Variants in ABCD3 observed in about 807,000 individuals in gnomAD.
ABCD3 encodes ATP binding cassette subfamily D member 3.
ABCD3 carries 41 observed loss-of-function variants against 105.5 expected under a neutral mutation model. That is an observed-to-expected ratio of 0.39 (90% CI 0.30 to 0.50). The LOEUF (loss-of-function observed/expected upper bound fraction) is 0.50, where lower values mean the gene tolerates loss of function less well. ABCD3 is among the 20% of genes least tolerant of loss of function. ABCD3 has a pLI of 0.84. For missense variants in ABCD3, 622 were observed against 806.3 expected (o/e 0.77, Z 2.77); for synonymous variants, 258 against 269.0 (o/e 0.96, Z 0.40).
At chr1:94,455,278 C>A (rs1005087811) in intron 1 of ABCD3, among the ~76,000 whole-genome samples, 2 of 151,924 alleles carry the variant, frequency 1.3e-5, no homozygotes, top group Non-Finnish European at 2.9e-5. Flanking sequence ...ATAGAACTTC[C>A]TGAGAAACAA....
intron 7 of ABCD3, among the ~76,000 whole-genome samples, chr1:94,477,504 T>C (rs907201641): frequency 6.6e-6 from 1 of 151,910 alleles, no homozygotes; most frequent in Admixed American, 6.6e-5. Context: ...TGTGCGCCTG[T>C]ACTCCCAGCT....
In ABCD3 at chr1:94,487,788, A is replaced by G; in HGVS notation, c.1062A>G (p.Leu354=). 6.2e-7 allele frequency: 1 copy of G among 1,613,658 alleles called. No homozygotes were observed. Among genetic ancestry groups the G allele is most frequent in the Non-Finnish European group, 8.5e-7 (1 of 1,179,610 alleles). Residue 354 remains leucine, a synonymous_variant, in exon 12 of 23, where the codon CTA becomes CTG. Transcript: ENST00000370214. ...RHLKSTHSEL[L]EDYYQSGRML... The stretch of plus-strand genomic sequence containing the variant: ...TCAAGAGTACACATTCGGAACTTCT[A>G]GAGGTAAACTGATGATAATACAATG...
rs572800610 is a variant in ABCD3 at position 94,491,610 on chromosome 1, A to G, written c.1386+363A>G. Among the ~76,000 whole-genome samples, 3 of 152,264 alleles carry G rather than the reference A, an allele frequency of 2.0e-5. No individual in the cohort carries two copies. In the South Asian group the frequency reaches 6.2e-4, roughly 32 times the overall value. On this transcript the variant is annotated intron_variant, in intron 16 of 22. Coordinates refer to ENST00000370214, the MANE Select transcript of ABCD3 (RefSeq NM_002858.4). ...GTGGCTGGTATTGTTGTGACTGTAC[A>G]GGATGATTTGTACCTATAAAAACAA...
the ABCD3 span, among the ~76,000 whole-genome samples, chr1:94,386,021 C>CTATT: frequency 7.8e-6 from 1 of 128,348 alleles, no homozygotes; most frequent in African/African-American, 3.0e-5. Context: ...CTTTTAGAAT[C>CTATT]TGTTTCTTTC....
At chr1:94,412,331 T>C in the ABCD3 span, among the ~76,000 whole-genome samples, 6 of 152,308 alleles carry the variant, frequency 3.9e-5, no homozygotes, top group South Asian at 1.2e-3. Context: ...AGATATTTTA[T>C]TCATCTATAA....
At chr1:94,473,258 G>A (rs1478037692) in intron 4 of ABCD3, among the ~76,000 whole-genome samples, 3 of 152,104 alleles carry the variant, frequency 2.0e-5, no homozygotes, top group Non-Finnish European at 4.4e-5. Flanking sequence ...TGGCAGAATT[G>A]AGTAGTTGCA....
chr1:94,412,800 A>G, the ABCD3 span, among the ~76,000 whole-genome samples: 1 of 152,216 alleles, frequency 6.6e-6, no homozygotes, highest in South Asian at 2.1e-4. Flanking sequence ...GCAGATAAAA[A>G]TTGATTTTTA....
At position 94,489,959 on chromosome 1, in the gene ABCD3, G is replaced by T. The variant is rs1468158555; in HGVS notation, c.1306G>T (p.Ala436Ser). 6.2e-7 allele frequency: 1 copy of T among 1,612,956 alleles called. No individual in the cohort carries two copies. Among genetic ancestry groups the T allele is most frequent in the Admixed American group, 1.7e-5 (1 of 59,972 alleles). Residue 436 changes from alanine to serine, a missense_variant, in exon 15 of 23, where the codon GCA (alanine) becomes TCA (serine). Transcript: ENST00000370214. The part of the protein sequence containing the change: ...LIPGAGEIII[A>S]DNIIKFDHVP... The stretch of plus-strand genomic sequence containing the variant: ...ACCTGGTGCTGGAGAAATCATTATT[G>T]CAGATAACATTATAAAGTACGTACA...
In ABCD3 at chr1:94,448,340, A is replaced by ATT. The variant is rs1290056144; in HGVS notation, c.111-10266_111-10265dup. On this transcript the variant is annotated intron_variant, in intron 1 of 22. Transcript: ENST00000370214. ...AACCCATTTAGCTCACTTTGTGGGT[A>ATT]TTCTCGATAATCATTTTCCTAAAAC... 2.6e-4 allele frequency among the ~76,000 whole-genome samples: 39 copies of ATT among 152,240 alleles called. 1 individual carries two copies. Among genetic ancestry groups the ATT allele is most frequent in the Admixed American group, 2.2e-3 (33 of 15,286 alleles).
At chr1:94,475,938 C>G (rs1297405278) in intron 7 of ABCD3, among the ~76,000 whole-genome samples, 1 of 152,004 alleles carries the variant, frequency 6.6e-6, no homozygotes, top group Non-Finnish European at 1.5e-5. Flanking sequence ...TGGCAAAGAA[C>G]TGATAATTTA....
chr1:94,421,453 T>G (rs936258788), intron 1 of ABCD3, among the ~76,000 whole-genome samples: 1 of 152,190 alleles, frequency 6.6e-6, no homozygotes, highest in African/African-American at 2.4e-5. Context: ...TTACCTTTTA[T>G]TTTATTATTT....
chr1:94,414,101 G>C (rs1658959794), upstream of ABCD3, among the ~76,000 whole-genome samples: 1 of 152,158 alleles, frequency 6.6e-6, no homozygotes, highest in Admixed American at 6.5e-5. Flanking sequence ...ATCTGTAGGA[G>C]GGGAGAAGTG....
chr1:94,468,889 TA>T (rs1391354013), intron 4 of ABCD3, among the ~76,000 whole-genome samples: 1 of 11,834 alleles, frequency 8.5e-5, no homozygotes, highest in Non-Finnish European at 0.012. Context: ...ATCTTGTATG[TA>T]TAAGGATTAA....
At chr1:94,506,799 A>C (rs547026200) in intron 21 of ABCD3, among the ~76,000 whole-genome samples, 157 bp downstream of exon 21, 1 of 152,200 alleles carries the variant, frequency 6.6e-6, no homozygotes, top group South Asian at 2.1e-4. Context: ...TATGAATAAA[A>C]GAAAAAGAAT....
At chr1:94,414,449 T>C (rs17397395), upstream of ABCD3, among the ~76,000 whole-genome samples, 6,372 of 152,266 alleles carry the variant, frequency 0.042, 189 homozygotes, top group South Asian at 0.12. Flanking sequence ...CACTACCTTT[T>C]ACCTAGACTA....
At chr1:94,494,653 G>T (rs1649708771) in intron 16 of ABCD3, among the ~76,000 whole-genome samples, 1 of 151,914 alleles carries the variant, frequency 6.6e-6, no homozygotes, top group South Asian at 2.1e-4. Flanking sequence ...TTTGCCTTTT[G>T]GGTTACATTT....
chr1:94,495,435 G>A (rs1649750238), intron 16 of ABCD3, among the ~76,000 whole-genome samples: 1 of 152,200 alleles, frequency 6.6e-6, no homozygotes, highest in Admixed American at 6.5e-5. Flanking sequence ...ACAAAAATAT[G>A]TACTTAATAA....
At chr1:94,399,195 A>G in the ABCD3 span, among the ~76,000 whole-genome samples, 1 of 152,204 alleles carries the variant, frequency 6.6e-6, no homozygotes. Context: ...ACCCTGCCCA[A>G]CACCTTACAA....
At chr1:94,494,893 A>G (rs1649721987) in intron 16 of ABCD3, among the ~76,000 whole-genome samples, 1 of 152,208 alleles carries the variant, frequency 6.6e-6, no homozygotes, top group African/African-American at 2.4e-5. Context: ...AGCCTGGGCA[A>G]CATGGCAAAA....
Sources: gnomAD v4.1 joint callset for allele counts (sites outside exome capture counted in the v4.1 genomes callset) on GRCh38, gnomAD v4.1.1 for gene constraint, MANE v1.5 for transcripts, NCBI Gene and HGNC (gene_info 2026-07-23, HGNC 2026-07-21) for gene names.